Variants in NBAS observed in about 807,000 individuals in gnomAD.
NBAS encodes NBAS subunit of NRZ tethering complex.
A neutral mutation model predicts 302.5 loss-of-function variants in NBAS; 219 were observed. That is an observed-to-expected ratio of 0.72 (90% confidence interval 0.65 to 0.81). The LOEUF is 0.81. NBAS is among the 30% of genes least tolerant of loss of function. NBAS has a pLI of 0.00. For missense variants in NBAS, 2,932 were observed against 2,841.6 expected (o/e 1.03, Z -0.72); for synonymous variants, 1,118 against 1,021.6 (o/e 1.09, Z -1.80).
chr2:15,115,950 C>A, the NBAS span, among the ~76,000 whole-genome samples: 1 of 152,188 alleles, frequency 6.6e-6, no homozygotes, highest in Admixed American at 6.5e-5. Context: ...TATATCTACT[C>A]CTTCCTCATT....
Position 15,411,902 on chromosome 2 carries a change from C to T in NBAS, c.2937+3644G>A, listed in dbSNP as rs1412287339. Among the ~76,000 whole-genome samples the T allele has an allele frequency of 2.6e-5, 4 of 152,224 alleles. No individual in the cohort carries two copies. In the East Asian group the frequency reaches 5.8e-4, roughly 22 times the overall value. On this transcript the variant is annotated intron_variant, in intron 25 of 51. Transcript: ENST00000281513. ...GAAGTCAGAGAACAATATGAGAAGGCGGAAGCTTTTGTCCCCCAGTTACCC... is the reference window on the plus strand; with the variant it reads ...GAAGTCAGAGAACAATATGAGAAGGTGGAAGCTTTTGTCCCCCAGTTACCC...
intron 3 of NBAS, among the ~76,000 whole-genome samples, chr2:15,554,851 G>A (rs994426348): frequency 2.6e-5 from 4 of 151,926 alleles, no homozygotes; most frequent in Non-Finnish European, 4.4e-5. Context: ...CTATATGTAA[G>A]ATCAGATTAC....
chr2:15,197,779 A>G (rs1429293062), intron 48 of NBAS, among the ~76,000 whole-genome samples: 1 of 152,182 alleles, frequency 6.6e-6, no homozygotes, highest in Non-Finnish European at 1.5e-5. Context: ...ACCTACTTTG[A>G]TATTAAGGAC....
intron 51 of NBAS, among the ~76,000 whole-genome samples, chr2:15,176,458 G>GACACAC (rs71400639): frequency 2.1e-4 from 32 of 149,320 alleles, no homozygotes; most frequent in African/African-American, 7.4e-4. Context: ...GTCACATGGA[G>GACACAC]ACACACACAC....
chr2:14,925,778 G>T, the NBAS span, among the ~76,000 whole-genome samples: 1 of 152,092 alleles, frequency 6.6e-6, no homozygotes, highest in Non-Finnish European at 1.5e-5. Context: ...ACTATACTGT[G>T]AGCCCCCAAA....
At chr2:15,347,927 C>T (rs1673170605) in intron 35 of NBAS, among the ~76,000 whole-genome samples, 1 of 152,120 alleles carries the variant, frequency 6.6e-6, no homozygotes, top group Non-Finnish European at 1.5e-5. Context: ...AACATAAATG[C>T]TACTGCATAA....
chr2:15,109,928 A>G, the NBAS span, among the ~76,000 whole-genome samples: 8 of 152,118 alleles, frequency 5.3e-5, no homozygotes, highest in Non-Finnish European at 7.4e-5. Flanking sequence ...TGTCCATTCA[A>G]TGTTTATTGT....
At chr2:15,212,821 T>C (rs989136630) in intron 48 of NBAS, among the ~76,000 whole-genome samples, 1 of 152,060 alleles carries the variant, frequency 6.6e-6, no homozygotes, top group African/African-American at 2.4e-5. Flanking sequence ...CCTTCTGCCA[T>C]GATTATAAGT....
chr2:15,220,501 T>C (rs1169121864), intron 47 of NBAS, among the ~76,000 whole-genome samples: 2 of 152,242 alleles, frequency 1.3e-5, no homozygotes, highest in Non-Finnish European at 1.5e-5. Flanking sequence ...AATCTTATAC[T>C]ACTCTAAAAG....
chr2:15,559,062 C>CAAAAAAAAAAAAAAAAAAAA (rs70961421), intron 1 of NBAS, among the ~76,000 whole-genome samples: 1 of 50,416 alleles, frequency 2.0e-5, no homozygotes, highest in Non-Finnish European at 3.5e-5. Context: ...GACCCTGCCT[C>CAAAAAAAAAAAAAAAAAAAA]AAAAAAAAAA....
chr2:15,276,771 T>C, intron 43 of NBAS, 80 bp downstream of exon 43: 1 of 1,604,074 alleles, frequency 6.2e-7, no homozygotes, highest in East Asian at 2.2e-5. Context: ...CCATAATGCA[T>C]GAACAGGATT....
At chr2:14,904,611 G>GA in the NBAS span, among the ~76,000 whole-genome samples, 1 of 88,220 alleles carries the variant, frequency 1.1e-5, no homozygotes, top group East Asian at 2.3e-4. Context: ...AGTCAGCTGT[G>GA]ACTCAGTATG....
chr2:14,870,528 G>A, the NBAS span, among the ~76,000 whole-genome samples: 1 of 152,140 alleles, frequency 6.6e-6, no homozygotes, highest in African/African-American at 2.4e-5. Flanking sequence ...CTCAGCAGTG[G>A]GCCAAATTAG....
intron 42 of NBAS, among the ~76,000 whole-genome samples, chr2:15,279,828 A>G (rs941092164): frequency 6.6e-6 from 1 of 152,186 alleles, no homozygotes; most frequent in East Asian, 1.9e-4. Context: ...AATAGTTTCC[A>G]TTCTGAAGAA....
the NBAS span, among the ~76,000 whole-genome samples, chr2:15,036,718 A>G: frequency 6.6e-6 from 1 of 152,160 alleles, no homozygotes; most frequent in Non-Finnish European, 1.5e-5. Flanking sequence ...TTTCTCCCCC[A>G]GCGCACATTT....
the NBAS span, among the ~76,000 whole-genome samples, chr2:15,099,725 C>T: frequency 1.3e-5 from 2 of 151,922 alleles, no homozygotes; most frequent in Non-Finnish European, 2.9e-5. Flanking sequence ...ATGGCTTGAC[C>T]ACCGAGTCCA....
At chr2:15,237,888 C>A (rs1337082753) in intron 45 of NBAS, among the ~76,000 whole-genome samples, 1 of 151,736 alleles carries the variant, frequency 6.6e-6, no homozygotes, top group Non-Finnish European at 1.5e-5. Flanking sequence ...CATTCCCCTG[C>A]CTCAGCCTCC....
chr2:14,821,735 G>T, the NBAS span, among the ~76,000 whole-genome samples: 196 of 152,194 alleles, frequency 1.3e-3, no homozygotes, highest in African/African-American at 4.6e-3. Context: ...AAAATGGGCT[G>T]GGCGCGATGG....
intron 22 of NBAS, among the ~76,000 whole-genome samples, chr2:15,424,967 C>A (rs1677396887): frequency 6.6e-6 from 1 of 152,068 alleles, no homozygotes; most frequent in African/African-American, 2.4e-5. Context: ...TATACCTCTA[C>A]TAGGTGCCAG....
Sources: allele counts gnomAD v4.1 joint callset (sites outside exome capture counted in the v4.1 genomes callset), GRCh38; gene constraint gnomAD v4.1.1; transcripts MANE v1.5; gene names NCBI Gene and HGNC (gene_info 2026-07-23, HGNC 2026-07-21).